The following TCEA3 variants were observed in gnomAD, a reference collection of about 807,000 sequenced individuals.
TCEA3 encodes transcription elongation factor A3, also known as transcription elongation factor A protein 3.
TCEA3 carries 36 observed loss-of-function variants against 44.0 expected under a neutral mutation model. The ratio of observed to expected loss-of-function variants is 0.82; its 90% CI spans 0.63 to 1.08. TCEA3 has a LOEUF of 1.08. Among genes scored for constraint, TCEA3 ranks in the 50% least tolerant of loss-of-function variants. The pLI is 0.00. For missense variants in TCEA3, 392 were observed against 441.2 expected (o/e 0.89, Z 1.00); for synonymous variants, 162 against 159.7 (o/e 1.01, Z -0.11).
chr1:23,392,372 TC>T (rs1639057977), intron 8 of TCEA3, among the ~76,000 whole-genome samples: 1 of 137,876 alleles, frequency 7.3e-6, no homozygotes, highest in Admixed American at 7.4e-5. Flanking sequence ...ACACACACAC[TC>T]CACACATCAT....
intron 4 of TCEA3, among the ~76,000 whole-genome samples, chr1:23,413,831 T>G (rs1400661857): frequency 6.6e-6 from 1 of 152,066 alleles, no homozygotes; most frequent in East Asian, 1.9e-4. Context: ...TTCTAAACTT[T>G]TTACACTAAA....
intron 8 of TCEA3, among the ~76,000 whole-genome samples, chr1:23,389,769 CATGGGACAAAATGCTATGGTCA>C (rs1486735727): frequency 6.6e-6 from 1 of 152,196 alleles, no homozygotes; most frequent in Admixed American, 6.5e-5. Context: ...TGTCAGCTTC[CATGGGACAAAATGCTATGGTCA>C]ATGGGACAAA....
chr1:23,424,708 C>CCCTCCGCCTT lies in TCEA3; in HGVS notation c.-76_-75insAAGGCGGAGG. 8.3e-7 allele frequency: 1 copy of CCCTCCGCCTT among 1,204,118 alleles called. No homozygotes were observed. Among genetic ancestry groups the CCCTCCGCCTT allele is most frequent in the Non-Finnish European group, 1.2e-6 (1 of 847,884 alleles). 74.6% of individuals were successfully genotyped at this position (1,204,118 alleles called of 1,614,324 possible). ...GCCTCGGGGGCAGGAGGCGCGAAGG[C>CCCTCCGCCTT]GGAGGGCGCGCAACCCGCGCGGGCC... On this transcript the variant is annotated 5_prime_UTR_variant, in exon 1 of 11. Transcript: ENST00000450454.
intron 8 of TCEA3, among the ~76,000 whole-genome samples, chr1:23,388,404 G>A (rs1638919679): frequency 1.3e-5 from 2 of 151,860 alleles, no homozygotes; most frequent in Admixed American, 1.3e-4. Context: ...CACCATATTG[G>A]CCAGGATGGT....
intron 4 of TCEA3, chr1:23,411,045 T>C: frequency 4.9e-6 from 1 of 203,568 alleles, no homozygotes; most frequent in Admixed American, 4.4e-5. Context: ...GACAGGAAAG[T>C]GTACCAAATG....
chr1:23,418,049 T>C (rs761342515), intron 2 of TCEA3, 40 bp from the exon 3 acceptor site: 2 of 1,590,582 alleles, frequency 1.3e-6, no homozygotes, highest in Non-Finnish European at 1.7e-6. Context: ...TGGGAATGGA[T>C]ACACAGGAAT....
At chr1:23,386,870 G>A (rs1030146323) in intron 9 of TCEA3, among the ~76,000 whole-genome samples, 1 of 152,156 alleles carries the variant, frequency 6.6e-6, no homozygotes, top group Non-Finnish European at 1.5e-5. Context: ...ACAGGTGCCC[G>A]CCACCACACC....
chr1:23,404,443 T>C (rs1254856043), intron 5 of TCEA3, among the ~76,000 whole-genome samples: 1 of 152,090 alleles, frequency 6.6e-6, no homozygotes, highest in Non-Finnish European at 1.5e-5. Context: ...TATAGTCATA[T>C]TGAGACATGC....
At chr1:23,390,255 G>T (rs1638980467) in intron 8 of TCEA3, among the ~76,000 whole-genome samples, 1 of 152,168 alleles carries the variant, frequency 6.6e-6, no homozygotes, top group South Asian at 2.1e-4. Flanking sequence ...GATCACCTGA[G>T]GTCAGGAGTT....
intron 8 of TCEA3, among the ~76,000 whole-genome samples, chr1:23,389,021 G>A (rs1227460136): frequency 6.6e-6 from 1 of 152,114 alleles, no homozygotes; most frequent in Admixed American, 6.6e-5. Flanking sequence ...AGTTATTCTG[G>A]TACGTATTAA....
chr1:23,414,008 A>C (rs1440593085), intron 4 of TCEA3, among the ~76,000 whole-genome samples: 1 of 148,026 alleles, frequency 6.8e-6, no homozygotes, highest in African/African-American at 2.5e-5. Context: ...ATATATATAT[A>C]TAAATTTTAT....
chr1:23,382,361 T>C (rs1638691902), intron 10 of TCEA3, among the ~76,000 whole-genome samples: 1 of 152,086 alleles, frequency 6.6e-6, no homozygotes, highest in African/African-American at 2.4e-5. Flanking sequence ...TTTTTACAGG[T>C]AAGGAAGCAG....
intron 4 of TCEA3, among the ~76,000 whole-genome samples, 185 bp downstream of exon 4, chr1:23,417,064 A>G (rs1270454938): frequency 1.3e-5 from 2 of 152,308 alleles, no homozygotes; most frequent in South Asian, 4.1e-4. Context: ...TTTATGTCCT[A>G]TTTGGGTCTT....
intron 1 of TCEA3, among the ~76,000 whole-genome samples, chr1:23,421,845 A>G (rs1033644775): frequency 6.6e-6 from 1 of 152,230 alleles, no homozygotes; most frequent in Admixed American, 6.5e-5. Flanking sequence ...AAAATTCCTG[A>G]AAACGCAACA....
intron 7 of TCEA3, among the ~76,000 whole-genome samples, chr1:23,394,929 C>T (rs1639171610): frequency 6.6e-6 from 1 of 152,228 alleles, no homozygotes; most frequent in Admixed American, 6.5e-5. Context: ...GAGCCTCCCA[C>T]TCCCTCCACC....
chr1:23,413,057 ACAAT>A (rs1457988184), intron 4 of TCEA3, among the ~76,000 whole-genome samples: 1 of 152,238 alleles, frequency 6.6e-6, no homozygotes, highest in Non-Finnish European at 1.5e-5. Context: ...AGTGGGCATA[ACAAT>A]TTAGTGTCCC....
chr1:23,382,097 A>C (rs957659056), intron 10 of TCEA3, among the ~76,000 whole-genome samples: 1 of 145,452 alleles, frequency 6.9e-6, no homozygotes, highest in Non-Finnish European at 1.5e-5. Flanking sequence ...CCCAGGCTGG[A>C]GTGCAATGGC....
intron 2 of TCEA3, among the ~76,000 whole-genome samples, chr1:23,418,467 G>T (rs1366215699): frequency 6.6e-6 from 1 of 152,096 alleles, no homozygotes; most frequent in Non-Finnish European, 1.5e-5. Context: ...GTGCATCATC[G>T]TGCCCAGCTA....
At chr1:23,394,548 C>T (rs769914375) in intron 7 of TCEA3, among the ~76,000 whole-genome samples, 3 of 152,190 alleles carry the variant, frequency 2.0e-5, no homozygotes, top group African/African-American at 4.8e-5. Flanking sequence ...TTAAGAGCCA[C>T]ATGTTTAAGG....
Sources: gnomAD v4.1 joint callset for allele counts (sites outside exome capture counted in the v4.1 genomes callset) on GRCh38, gnomAD v4.1.1 for gene constraint, MANE v1.5 for transcripts, NCBI Gene and HGNC (gene_info 2026-07-23, HGNC 2026-07-21) for gene names.